ZNF467: variants seen among roughly 807,000 people sequenced by gnomAD.
The protein encoded by ZNF467 is zinc finger protein EZI.
In ZNF467, 51 loss-of-function variants were observed where a neutral mutation model predicts 47.8. The observed-to-expected ratio is 1.07, with a 90% CI of 0.85 to 1.35. The LOEUF (loss-of-function observed/expected upper bound fraction) is 1.35. Ranked by LOEUF, ZNF467 falls within the 40% of genes most tolerant of loss-of-function variation. The pLI is 0.00. For synonymous variants in ZNF467, 416 were observed against 372.9 expected (o/e 1.12, Z -1.33); for missense variants, 992 against 858.1 (o/e 1.16, Z -1.95).
At chr7:149,766,428 G>A (rs1234324813) in intron 4 of ZNF467, among the ~76,000 whole-genome samples, 189 bp from the exon 5 acceptor site, 1 of 152,146 alleles carries the variant, frequency 6.6e-6, no homozygotes, top group African/African-American at 2.4e-5. Flanking sequence ...CCTGTGATGC[G>A]TGTGAACACC....
intron 1 of ZNF467, 101 bp downstream of exon 1, chr7:149,773,007 C>A (rs903369129): frequency 6.7e-6 from 1 of 149,904 alleles, no homozygotes; most frequent in East Asian, 2.0e-4. Context: ...CGCGCCCCTA[C>A]CCCCGGGGCT....
chr7:149,769,153 C>T lies in ZNF467; in HGVS notation c.199G>A (p.Glu67Lys), dbSNP rs909676146. ...CACGCCTGGCCTCTGCAGGGAGCCT[C>T]GGCTTGTTCTGTGTGGGCACCTTCC... is the stretch of plus-strand genomic sequence containing the variant. Reference protein sequence around the residue: ...PEEGAHTEQAEAPCRGQACSA... With the variant: ...PEEGAHTEQAKAPCRGQACSA... The change falls in exon 4 of 5, where the codon GAG becomes AAG. Residue 67 changes from glutamate to lysine, a missense_variant. Coordinates refer to ENST00000302017, the MANE Select transcript of ZNF467 (RefSeq NM_207336.3). This position sits in a 1 kb window ranked among gnomAD's most constrained non-coding sequence, Gnocchi z 5.3. 10 of 1,562,932 alleles carry T rather than the reference C, an allele frequency of 6.4e-6. No individual in the cohort carries two copies. The highest frequency in any genetic ancestry group is 5.6e-5 in the Admixed American group (3 of 53,222).
rs1161283971 is a variant in ZNF467, at chr7:149,765,976, G to T, written c.526C>A (p.Arg176=). 1.3e-6 allele frequency: 2 copies of T among 1,554,554 alleles called. No homozygotes were observed. Among genetic ancestry groups the T allele is most frequent in the African/African-American group, 1.4e-5 (1 of 73,372 alleles). The change falls in exon 5 of 5, where the codon CGA becomes AGA. Residue 176 remains arginine, a synonymous_variant. Transcript: ENST00000302017. ...CCCCGGTGCAGCCGCTGGTGCAGTC[G>T]CAACGTCAGCTGGTCCCGGAAGCGC... ...ERRFRDQLTL[R]LHQRLHRGEG...
chr7:149,769,060 G>C lies in ZNF467; in HGVS notation c.262+30C>G. On this transcript the variant is annotated intron_variant, in intron 4 of 4. Transcript: ENST00000302017. This position sits in a 1 kb window ranked among gnomAD's most constrained non-coding sequence, Gnocchi z 5.3. ...GGCCCCGTTCCCTTGGCCTGAGCCC[G>C]TGGTGGGATGAAGTGATGGGAAGAC... 1.3e-6 allele frequency: 2 copies of C among 1,518,080 alleles called. No individual in the cohort carries two copies. Among genetic ancestry groups the C allele is most frequent in the South Asian group, 1.3e-5 (1 of 79,700 alleles). 94.0% of individuals were successfully genotyped at this position (1,518,080 alleles called of 1,614,324 possible).
At chr7:149,770,084 G>C (rs1258723780) in intron 3 of ZNF467, among the ~76,000 whole-genome samples, 1 of 140,100 alleles carries the variant, frequency 7.1e-6, no homozygotes, top group Non-Finnish European at 1.5e-5. Flanking sequence ...ACCTGCAGCT[G>C]TCTCGGCCCC....
intron 2 of ZNF467, 63 bp downstream of exon 2, chr7:149,770,936 G>C (rs1338522344): frequency 1.2e-5 from 20 of 1,609,884 alleles, no homozygotes; most frequent in Non-Finnish European, 1.4e-5. Flanking sequence ...TGCTGTCTGA[G>C]TTGTAGATGC....
chr7:149,775,874 T>C (rs1799560439), upstream of ZNF467, among the ~76,000 whole-genome samples: 1 of 151,548 alleles, frequency 6.6e-6, no homozygotes, highest in Admixed American at 6.5e-5. Flanking sequence ...CCCTGGGGCA[T>C]GAGACTGGAA....
At chr7:149,768,068 C>A (rs896996082) in intron 4 of ZNF467, among the ~76,000 whole-genome samples, 7 of 152,220 alleles carry the variant, frequency 4.6e-5, no homozygotes, top group African/African-American at 1.7e-4. Context: ...TAAAATGCAG[C>A]ACAAATTAAT....
chr7:149,769,316 G>T lies in ZNF467; in HGVS notation c.152-116C>A, dbSNP rs1799317807. The stretch of plus-strand genomic sequence containing the variant: ...CCCTGGCTCCAGCAGGGCCCACAGG[G>T]TTCCTCCCACATCCTACCTGAATTA... On this transcript the variant is annotated intron_variant, in intron 3 of 4. Transcript: ENST00000302017. This position sits in a 1 kb window ranked among gnomAD's most constrained non-coding sequence, Gnocchi z 5.3. 1.3e-5 allele frequency: 12 copies of T among 914,586 alleles called. No homozygotes were observed. In the South Asian group the frequency reaches 1.8e-4, roughly 14 times the overall value. The allele number at this position is 914,586 out of a possible 1,614,324, so 56.7% of individuals were successfully genotyped here.
At chr7:149,776,369 C>G (rs200967529), upstream of ZNF467, 104 of 1,363,596 alleles carry the variant, frequency 7.6e-5, no homozygotes, top group Admixed American at 3.8e-5. Flanking sequence ...TGGACAGAGA[C>G]CATCCGTGTG....
At chr7:149,766,337 C>G (rs924849904) in intron 4 of ZNF467, 98 bp from the exon 5 acceptor site, 72 of 1,483,466 alleles carry the variant, frequency 4.9e-5, no homozygotes, top group Non-Finnish European at 4.9e-5. Context: ...CGGTCTGGCT[C>G]TGCTCTCCAC....
At position 149,764,791 on chromosome 7, in the gene ZNF467, C is replaced by A. The variant is rs1585938902; in HGVS notation, c.1711G>T (p.Ala571Ser). 1 of 1,524,630 alleles carries A rather than the reference C, an allele frequency of 6.6e-7. No individual in the cohort carries two copies. Among genetic ancestry groups the A allele is most frequent in the Non-Finnish European group, 8.8e-7 (1 of 1,137,334 alleles). 94.4% of individuals were successfully genotyped at this position (1,524,630 alleles called of 1,614,324 possible). ...HQLIHGEAAH[A>S]APDAALAAPA... ...GCCGCAAGGGCGGCGTCCGGGGCCG[C>A]GTGGGCGGCTTCGCCGTGAATGAGC... The change falls in exon 5 of 5, where the codon GCG becomes TCG. Residue 571 changes from alanine (A) to serine (S), a missense_variant. Ala to Ser is a moderately conservative substitution (Grantham distance 99). Coordinates refer to ENST00000302017, the MANE Select transcript of ZNF467 (RefSeq NM_207336.3).
Position 149,764,850 on chromosome 7 carries a change from CTCTT to C in ZNF467, c.1648_1651del (p.Lys550AlafsTer117). 6.5e-7 allele frequency: 1 copy of C among 1,550,154 alleles called. No individual in the cohort carries two copies. The highest frequency in any genetic ancestry group is 8.7e-7 in the Non-Finnish European group (1 of 1,148,948). On this transcript the variant is annotated frameshift_variant, in exon 5 of 5. Transcript: ENST00000302017. LOFTEE classifies it high-confidence loss of function. ...CACCAGGTGGGTCTTGCGGCTGAAG[CTCTT>C]TCCGCACTGCGGGCAGGAGAAGGGG...
upstream of ZNF467, among the ~76,000 whole-genome samples, chr7:149,774,502 G>A (rs917418719): frequency 6.6e-6 from 1 of 152,198 alleles, no homozygotes; most frequent in African/African-American, 2.4e-5. The surrounding 1 kb of genome is among the most constrained non-coding windows in gnomAD (Gnocchi z 5.7). Context: ...CTGGGAAGGG[G>A]AGGGTGTGAA....
chr7:149,773,647 G>T (rs983753991), upstream of ZNF467, among the ~76,000 whole-genome samples: 8 of 147,432 alleles, frequency 5.4e-5, no homozygotes, highest in Non-Finnish European at 1.2e-4. Flanking sequence ...CGAACGGGTG[G>T]GGGGGTGGCG....
At chr7:149,773,913 G>A (rs907374840), upstream of ZNF467, among the ~76,000 whole-genome samples, 10 of 152,212 alleles carry the variant, frequency 6.6e-5, no homozygotes, top group Non-Finnish European at 1.5e-5. Flanking sequence ...GGAGCCGTGG[G>A]GGCAGGCGGG....
chr7:149,769,028 C>G lies in ZNF467; in HGVS notation c.262+62G>C. 7.1e-7 allele frequency: 1 copy of G among 1,410,652 alleles called. No homozygotes were observed. Among genetic ancestry groups the G allele is most frequent in the South Asian group, 1.4e-5 (1 of 71,764 alleles). 87.4% of individuals were successfully genotyped at this position (1,410,652 alleles called of 1,614,324 possible). A position where few individuals can be genotyped will look rare whatever the true frequency, so the allele number is the denominator to read the frequency against. ...GCCTCATGAGATAGCAGCTCCGGAG[C>G]TTGCTGGGCCCCGTTCCCTTGGCCT... is the stretch of plus-strand genomic sequence containing the variant. On this transcript the variant is annotated intron_variant, in intron 4 of 4. Coordinates refer to ENST00000302017, the MANE Select transcript of ZNF467 (RefSeq NM_207336.3). This position sits in a 1 kb window ranked among gnomAD's most constrained non-coding sequence, Gnocchi z 5.3.
chr7:149,769,310 C>T lies in ZNF467; in HGVS notation c.152-110G>A. ...TTGAAACCCTGGCTCCAGCAGGGCC[C>T]ACAGGGTTCCTCCCACATCCTACCT... On this transcript the variant is annotated intron_variant, in intron 3 of 4. Coordinates refer to ENST00000302017, the MANE Select transcript of ZNF467 (RefSeq NM_207336.3). This position sits in a 1 kb window ranked among gnomAD's most constrained non-coding sequence, Gnocchi z 5.3. The T allele has an allele frequency of 1.0e-6, 1 of 962,080 alleles. No individual in the cohort carries two copies. Among genetic ancestry groups the T allele is most frequent in the Non-Finnish European group, 1.5e-6 (1 of 665,458 alleles). The allele number at this position is 962,080 out of a possible 1,614,324, so 59.6% of individuals were successfully genotyped here.
Position 149,765,588 on chromosome 7 carries a change from C to T in ZNF467, c.914G>A (p.Cys305Tyr), listed in dbSNP as rs1333355420. 2.5e-6 allele frequency: 4 copies of T among 1,598,120 alleles called. No homozygotes were observed. The highest frequency in any genetic ancestry group is 3.4e-6 in the Non-Finnish European group (4 of 1,172,458). ...CTGCTTGTGCGTGAAGCTGCGTGCG[C>T]ACTGTGCGCACTGGTAGGGCCTCTC... ...TGERPYQCAQ[C>Y]ARSFTHKQHL... Residue 305 changes from cysteine (C) to tyrosine (Y), a missense_variant, in exon 5 of 5, where the codon TGC (cysteine) becomes TAC (tyrosine). Cys to Tyr is a radical substitution (Grantham distance 194). Coordinates refer to ENST00000302017, the MANE Select transcript of ZNF467 (RefSeq NM_207336.3).
Sources: allele counts gnomAD v4.1 joint callset (sites outside exome capture counted in the v4.1 genomes callset), GRCh38; gene constraint gnomAD v4.1.1; non-coding constraint Gnocchi (gnomAD v3.1); transcripts MANE v1.5; gene names NCBI Gene and HGNC (gene_info 2026-07-23, HGNC 2026-07-21).